The following RIC8B variants were observed in gnomAD, a reference collection of about 807,000 sequenced individuals.
RIC8B encodes the protein RIC8 guanine nucleotide exchange factor B.
A neutral mutation model predicts 57.5 loss-of-function variants in RIC8B; 16 were observed. That is an observed-to-expected ratio of 0.28 (90% CI 0.19 to 0.42). RIC8B has a LOEUF of 0.42. RIC8B is among the 10% of genes least tolerant of loss of function. The pLI, the probability that RIC8B is intolerant of heterozygous loss-of-function variation, is 1.00. For missense variants in RIC8B, 481 were observed against 677.0 expected, an observed-to-expected ratio of 0.71 and a Z score of 3.21; for synonymous variants, 216 against 250.8, an observed-to-expected ratio of 0.86 and a Z score of 1.31.
intron 4 of RIC8B, among the ~76,000 whole-genome samples, chr12:106,836,165 G>A (rs1274584155): frequency 6.6e-6 from 1 of 152,044 alleles, no homozygotes; most frequent in Non-Finnish European, 1.5e-5. Context: ...ATGCTGTCTT[G>A]GTTTTCCTCT....
intron 4 of RIC8B, among the ~76,000 whole-genome samples, chr12:106,833,618 A>T (rs2046456225): frequency 6.6e-6 from 1 of 152,112 alleles, no homozygotes; most frequent in African/African-American, 2.4e-5. Flanking sequence ...GAAAAAAAAA[A>T]TTATCAAATA....
chr12:106,832,347 C>T (rs957705768), intron 4 of RIC8B, among the ~76,000 whole-genome samples: 3 of 152,090 alleles, frequency 2.0e-5, no homozygotes, highest in African/African-American at 7.2e-5. Flanking sequence ...GCGGGTGGAT[C>T]GCCTGAGGTC....
intron 3 of RIC8B, chr12:106,822,231 A>T (rs2045886972): frequency 6.6e-6 from 1 of 152,164 alleles, no homozygotes; most frequent in Non-Finnish European, 1.5e-5. Context: ...ACAACCAAGA[A>T]ATCACTACAC....
chr12:106,809,431 G>A (rs1714191326), intron 2 of RIC8B, among the ~76,000 whole-genome samples: 1 of 151,072 alleles, frequency 6.6e-6, no homozygotes. Context: ...GCTGAGACAG[G>A]AGAATCACTT....
At chr12:106,817,348 G>C (rs1053299153) in intron 3 of RIC8B, among the ~76,000 whole-genome samples, 5 of 152,118 alleles carry the variant, frequency 3.3e-5, no homozygotes, top group Non-Finnish European at 7.3e-5. Context: ...AGAATACTTA[G>C]TAAGAGAAAT....
chr12:106,809,024 T>A (rs927714295), intron 2 of RIC8B, among the ~76,000 whole-genome samples: 2 of 152,172 alleles, frequency 1.3e-5, no homozygotes, highest in Non-Finnish European at 1.5e-5. Flanking sequence ...AAGGTTGTCT[T>A]AGAGGGCATT....
chr12:106,789,940 A>C (rs2044196716), intron 2 of RIC8B, among the ~76,000 whole-genome samples: 1 of 152,026 alleles, frequency 6.6e-6, no homozygotes, highest in Admixed American at 6.6e-5. Context: ...AAAAAAAAAA[A>C]AACTTGATTA....
chr12:106,799,621 A>G (rs2044640829), intron 2 of RIC8B, among the ~76,000 whole-genome samples: 1 of 152,240 alleles, frequency 6.6e-6, no homozygotes, highest in Non-Finnish European at 1.5e-5. Context: ...TACCATAAGC[A>G]TGTGAGATAG....
chr12:106,827,330 T>A (rs1384424277), intron 4 of RIC8B, among the ~76,000 whole-genome samples: 1 of 152,214 alleles, frequency 6.6e-6, no homozygotes. Flanking sequence ...GCAAACAAAT[T>A]ACTTTGGCAT....
At chr12:106,849,039 A>G (rs1216920572) in intron 6 of RIC8B, among the ~76,000 whole-genome samples, 3 of 152,146 alleles carry the variant, frequency 2.0e-5, no homozygotes, top group African/African-American at 4.8e-5. Flanking sequence ...CTTCAATAGA[A>G]TGAATAAGAT....
At chr12:106,850,954 T>C (rs960808360) in intron 6 of RIC8B, among the ~76,000 whole-genome samples, 2 of 152,078 alleles carry the variant, frequency 1.3e-5, no homozygotes, top group Non-Finnish European at 2.9e-5. Context: ...ACACGAGATA[T>C]TTCAAAATCC....
In RIC8B at chr12:106,879,719, A is replaced by G. The variant is rs1417874055; in HGVS notation, c.1572-6185A>G. 1.9e-5 allele frequency: 19 copies of G among 985,274 alleles called. No individual in the cohort carries two copies. The highest frequency in any genetic ancestry group is 1.0e-3 in the Middle Eastern group (2 of 1,914). The allele number at this position is 985,274 out of a possible 1,614,324, so 61.0% of individuals were successfully genotyped here. On this transcript the variant is annotated intron_variant, in intron 9 of 9. Coordinates refer to ENST00000392837, the MANE Select transcript of RIC8B (RefSeq NM_001330145.2). This position sits in a 1 kb window ranked among gnomAD's most constrained non-coding sequence, Gnocchi z 4.9. ...CTCTTGCCTGGCCAAGCCCTTGTAGATTATGGTTCCTTATCGTTTAGTAAG... is the reference window on the plus strand; with the variant it reads ...CTCTTGCCTGGCCAAGCCCTTGTAGGTTATGGTTCCTTATCGTTTAGTAAG...
At position 106,870,842 on chromosome 12, in the gene RIC8B, C is replaced by T; in HGVS notation, c.1471C>T (p.His491Tyr). 1 of 1,526,324 alleles carries T rather than the reference C, an allele frequency of 6.6e-7. No individual in the cohort carries two copies. Among genetic ancestry groups the T allele is most frequent in the Non-Finnish European group, 8.8e-7 (1 of 1,133,212 alleles). 94.5% of individuals were successfully genotyped at this position (1,526,324 alleles called of 1,614,324 possible). Residue 491 changes from histidine (H) to tyrosine (Y), a missense_variant, in exon 9 of 10, where the codon CAT (histidine) becomes TAT (tyrosine). By Grantham distance (83) the His-to-Tyr change is moderately conservative (BLOSUM62 2). Around this residue, in one of 3 missense-constraint regions of RIC8B, gnomAD observed 43 missense variants for 99.8 expected, o/e 0.43. Coordinates refer to ENST00000392837, the MANE Select transcript of RIC8B (RefSeq NM_001330145.2). Reference protein sequence around the residue: ...AKPNINLITGHLEEPMPNPID... With the variant: ...AKPNINLITGYLEEPMPNPID... ...TTGTAGCATTAATCTTATCACTGGT[C>T]ATTTAGAGGAACCAATGCCAAACCC... is the stretch of plus-strand genomic sequence containing the variant.
At chr12:106,863,212 A>G (rs1008363115) in intron 8 of RIC8B, among the ~76,000 whole-genome samples, 1 of 152,084 alleles carries the variant, frequency 6.6e-6, no homozygotes, top group Non-Finnish European at 1.5e-5. Flanking sequence ...ATAGGCATCT[A>G]GAGGCCCAAA....
chr12:106,785,958 C>G (rs997968295), intron 2 of RIC8B, among the ~76,000 whole-genome samples: 1 of 151,126 alleles, frequency 6.6e-6, no homozygotes, highest in Non-Finnish European at 1.5e-5. Flanking sequence ...GTGATCCTCC[C>G]GCCCTAGGCT....
intron 3 of RIC8B, among the ~76,000 whole-genome samples, chr12:106,815,700 T>G (rs1036538291): frequency 6.6e-6 from 1 of 152,164 alleles, no homozygotes; most frequent in Middle Eastern, 3.2e-3. Flanking sequence ...TTAAGACAGA[T>G]CAAGCCAATT....
chr12:106,839,274 A>G (rs1446907252), intron 4 of RIC8B, among the ~76,000 whole-genome samples: 1 of 152,198 alleles, frequency 6.6e-6, no homozygotes, highest in Non-Finnish European at 1.5e-5. Context: ...AACAACCTAA[A>G]TGTCTATCAG....
At chr12:106,845,578 CCT>C (rs1482936223) in intron 6 of RIC8B, among the ~76,000 whole-genome samples, 3 of 151,752 alleles carry the variant, frequency 2.0e-5, no homozygotes, top group Admixed American at 6.6e-5. Flanking sequence ...ATTTATTTCC[CCT>C]CTCTCTCTTC....
At chr12:106,794,946 A>G (rs1440559247) in intron 2 of RIC8B, among the ~76,000 whole-genome samples, 1 of 152,234 alleles carries the variant, frequency 6.6e-6, no homozygotes, top group East Asian at 1.9e-4. Context: ...CGATATGTAT[A>G]TAATGTATTG....
Sources: gnomAD v4.1 joint callset for allele counts (sites outside exome capture counted in the v4.1 genomes callset) on GRCh38, gnomAD v4.1.1 for gene constraint, gnomAD v4.1.1 regional missense constraint, Gnocchi (gnomAD v3.1) non-coding constraint, MANE v1.5 for transcripts, NCBI Gene and HGNC (gene_info 2026-07-23, HGNC 2026-07-21) for gene names.